FREM2: variants seen among roughly 807,000 people sequenced by gnomAD.
FREM2 encodes FRAS1 related extracellular matrix 2.
A neutral mutation model predicts 219.9 loss-of-function variants in FREM2; 119 were observed. The observed-to-expected ratio is 0.54, with a 90% CI of 0.47 to 0.63. The LOEUF (loss-of-function observed/expected upper bound fraction) is 0.63, where lower values mean the gene tolerates loss of function less well. FREM2 is among the 30% of genes least tolerant of loss of function. FREM2 has a pLI of 0.00. For missense variants in FREM2, 4,030 were observed against 3,993.6 expected (o/e 1.01, Z -0.25); for synonymous variants, 1,562 against 1,522.8 (o/e 1.03, Z -0.60).
At chr13:38,781,769 C>T (rs1293960208) in intron 4 of FREM2, among the ~76,000 whole-genome samples, 1 of 152,114 alleles carries the variant, frequency 6.6e-6, no homozygotes, top group Non-Finnish European at 1.5e-5. Context: ...GGGCAAAGAT[C>T]TGTTAATACC....
chr13:38,687,198 T>A lies in FREM2; in HGVS notation c.-147T>A. On this transcript the variant is annotated 5_prime_UTR_variant, in exon 1 of 24. Transcript: ENST00000280481. ...CGGACGGCGCCGCGCAACTTTGCCATCCTTCTGGCCCAGCCCCGGCTACAG... is the reference window on the plus strand; with the variant it reads ...CGGACGGCGCCGCGCAACTTTGCCAACCTTCTGGCCCAGCCCCGGCTACAG... The A allele has an allele frequency of 8.6e-7, 1 of 1,168,086 alleles. No individual in the cohort carries two copies. The allele number at this position is 1,168,086 out of a possible 1,614,324, so 72.4% of individuals were successfully genotyped here.
At chr13:38,737,328 A>G (rs1205687021) in intron 2 of FREM2, among the ~76,000 whole-genome samples, 2 of 152,200 alleles carry the variant, frequency 1.3e-5, no homozygotes, top group East Asian at 3.9e-4. Flanking sequence ...TGGAGTGCAC[A>G]TGTTTTTATT....
chr13:38,764,240 G>A, intron 2 of FREM2, 64 bp from the exon 3 acceptor site: 1 of 1,140,160 alleles, frequency 8.8e-7, no homozygotes, highest in Non-Finnish European at 1.3e-6. Context: ...AGTAATCTGT[G>A]GAATTTTGAA....
At chr13:38,872,651 A>G in intron 16 of FREM2, 91 bp from the exon 17 acceptor site, 1 of 1,025,700 alleles carries the variant, frequency 9.7e-7, no homozygotes, top group Non-Finnish European at 1.5e-6. Flanking sequence ...CAAAATCTTC[A>G]GTTAAGCGAA....
chr13:38,696,592 A>G (rs184196553), intron 1 of FREM2, among the ~76,000 whole-genome samples: 2 of 152,246 alleles, frequency 1.3e-5, no homozygotes, highest in African/African-American at 4.8e-5. Context: ...TCAATTAATG[A>G]TCTATTATGA....
intron 6 of FREM2, among the ~76,000 whole-genome samples, chr13:38,841,251 A>C (rs781255664): frequency 1.3e-5 from 2 of 152,200 alleles, no homozygotes; most frequent in Non-Finnish European, 2.9e-5. Flanking sequence ...AAATGAGCTA[A>C]AATAATACGC....
intron 8 of FREM2, 133 bp from the exon 9 acceptor site, chr13:38,849,905 G>A (rs1339970503): frequency 5.3e-6 from 4 of 755,550 alleles, no homozygotes; most frequent in African/African-American, 1.7e-5. Context: ...CAAAATATTG[G>A]CAAGTGACTG....
At chr13:38,865,252 A>G (rs1877922330) in intron 16 of FREM2, among the ~76,000 whole-genome samples, 1 of 152,108 alleles carries the variant, frequency 6.6e-6, no homozygotes, top group Non-Finnish European at 1.5e-5. Context: ...TCACACATAA[A>G]ATACACATAC....
chr13:38,751,624 T>G (rs1260981642), intron 2 of FREM2, among the ~76,000 whole-genome samples: 2 of 152,158 alleles, frequency 1.3e-5, no homozygotes, highest in Non-Finnish European at 2.9e-5. Flanking sequence ...TTCTGTTAGC[T>G]TTTCACCTTA....
At position 38,880,826 on chromosome 13, in the gene FREM2, C is replaced by G; in HGVS notation, c.*39C>G. On this transcript the variant is annotated 3_prime_UTR_variant, in exon 24 of 24. Coordinates refer to ENST00000280481, the MANE Select transcript of FREM2 (RefSeq NM_207361.6). ...AATTCAACCTTTTCCGTAAGTGCCTCGGAAAAGATCACAATGGAACCTTAA... is the reference window on the plus strand; with the variant it reads ...AATTCAACCTTTTCCGTAAGTGCCTGGGAAAAGATCACAATGGAACCTTAA... 1 of 1,610,338 alleles carries G rather than the reference C, an allele frequency of 6.2e-7. No individual in the cohort carries two copies. Among genetic ancestry groups the G allele is most frequent in the Non-Finnish European group, 8.5e-7 (1 of 1,177,368 alleles).
At chr13:38,749,449 C>G (rs1251669015) in intron 2 of FREM2, among the ~76,000 whole-genome samples, 1 of 152,096 alleles carries the variant, frequency 6.6e-6, no homozygotes, top group Non-Finnish European at 1.5e-5. Flanking sequence ...ACATGAATTA[C>G]CAAGAAAAGT....
chr13:38,869,783 A>T (rs1197451759), intron 16 of FREM2, among the ~76,000 whole-genome samples: 1 of 152,220 alleles, frequency 6.6e-6, no homozygotes, highest in East Asian at 1.9e-4. Flanking sequence ...TAGATGCAAA[A>T]TGGTTATTAA....
chr13:38,826,982 G>A (rs1876314080), intron 6 of FREM2, among the ~76,000 whole-genome samples: 1 of 152,000 alleles, frequency 6.6e-6, no homozygotes, highest in African/African-American at 2.4e-5. Flanking sequence ...CTCTTACGTA[G>A]AATATCATGT....
intron 7 of FREM2, 52 bp downstream of exon 7, chr13:38,846,774 C>G (rs554372241): frequency 6.3e-7 from 1 of 1,590,736 alleles, no homozygotes; most frequent in Non-Finnish European, 8.6e-7. Context: ...TTTCAATGAC[C>G]ATGGCACAAA....
chr13:38,777,927 G>A (rs909551348), intron 4 of FREM2, among the ~76,000 whole-genome samples: 2 of 152,154 alleles, frequency 1.3e-5, no homozygotes, highest in African/African-American at 2.4e-5. Context: ...ATTCCAGAGC[G>A]AAGGGCACAG....
intron 6 of FREM2, among the ~76,000 whole-genome samples, chr13:38,796,480 G>T (rs1020048951): frequency 5.3e-5 from 8 of 152,030 alleles, no homozygotes; most frequent in Admixed American, 1.3e-4. Flanking sequence ...CAAAACAGAG[G>T]ATGGCAATTC....
chr13:38,798,664 G>A, intron 6 of FREM2, among the ~76,000 whole-genome samples: 1 of 151,986 alleles, frequency 6.6e-6, no homozygotes, highest in Non-Finnish European at 1.5e-5. Context: ...GAACTGTTCA[G>A]ATTTTCTATT....
intron 6 of FREM2, among the ~76,000 whole-genome samples, chr13:38,843,149 T>C (rs1308120996): frequency 1.3e-5 from 2 of 152,070 alleles, no homozygotes; most frequent in Non-Finnish European, 2.9e-5. Context: ...GGTGGTGGAG[T>C]GATGAGCAAG....
chr13:38,830,104 C>T (rs139412663), intron 6 of FREM2, among the ~76,000 whole-genome samples: 7 of 152,052 alleles, frequency 4.6e-5, no homozygotes, highest in African/African-American at 9.6e-5. Context: ...GTGAATAAAG[C>T]GTGTTGATAT....
Sources: allele counts gnomAD v4.1 joint callset (sites outside exome capture counted in the v4.1 genomes callset), GRCh38; gene constraint gnomAD v4.1.1; transcripts MANE v1.5; gene names NCBI Gene and HGNC (gene_info 2026-07-23, HGNC 2026-07-21).